MYO5B: variants seen among roughly 807,000 people sequenced by gnomAD.
The protein encoded by MYO5B is myosin VB.
Under a neutral mutation model 229.3 loss-of-function variants are expected in MYO5B, and 143 were observed. The ratio of observed to expected loss-of-function variants is 0.62; its 90% confidence interval spans 0.54 to 0.72. MYO5B has a LOEUF of 0.72. Ranked by LOEUF, MYO5B falls within the 30% of genes least tolerant of loss-of-function variation. The pLI is 0.00. For missense variants in MYO5B, 2,321 were observed against 2,331.0 expected (o/e 1.00, Z 0.09); for synonymous variants, 918 against 885.2 (o/e 1.04, Z -0.66).
intron 1 of MYO5B, among the ~76,000 whole-genome samples, chr18:50,147,305 T>A (rs977534545): frequency 2.4e-4 from 36 of 152,088 alleles, no homozygotes; most frequent in Non-Finnish European, 4.1e-4. Context: ...ACCCAGTGAG[T>A]CTGAAGGTCT....
chr18:50,172,469 G>C (rs1599075867), intron 1 of MYO5B, among the ~76,000 whole-genome samples: 1 of 152,088 alleles, frequency 6.6e-6, no homozygotes, highest in East Asian at 1.9e-4. Flanking sequence ...TGTGAGTTTT[G>C]TTATACATGG....
intron 35 of MYO5B, chr18:49,840,449 T>G (rs1180832594): frequency 6.6e-6 from 1 of 152,238 alleles, no homozygotes; most frequent in African/African-American, 2.4e-5. Context: ...GAAGGGCATA[T>G]CCTTTTACTA....
chr18:49,975,497 C>CT (rs2025740316), intron 9 of MYO5B, among the ~76,000 whole-genome samples: 1 of 152,168 alleles, frequency 6.6e-6, no homozygotes. Flanking sequence ...TCGCTTTCTT[C>CT]TTAGCCTCAT....
At chr18:49,876,236 C>T (rs562457749) in intron 25 of MYO5B, 10 of 319,550 alleles carry the variant, frequency 3.1e-5, no homozygotes, top group African/African-American at 2.2e-4. Flanking sequence ...ACATGGTTAC[C>T]AATCACTGCA....
intron 4 of MYO5B, among the ~76,000 whole-genome samples, chr18:50,027,728 T>C (rs1568076589): frequency 1.3e-5 from 2 of 152,142 alleles, no homozygotes; most frequent in South Asian, 4.2e-4. Context: ...CAGGAATCTA[T>C]CCAGATTACC....
intron 24 of MYO5B, among the ~76,000 whole-genome samples, chr18:49,878,673 A>G (rs2024553310): frequency 6.6e-6 from 1 of 152,208 alleles, no homozygotes; most frequent in Admixed American, 6.5e-5. Flanking sequence ...TGTTCCCGTA[A>G]CAGGAAACAG....
At chr18:50,137,925 A>G (rs1017865977) in intron 1 of MYO5B, among the ~76,000 whole-genome samples, 1 of 152,228 alleles carries the variant, frequency 6.6e-6, no homozygotes, top group Non-Finnish European at 1.5e-5. Context: ...TGGGAACTAA[A>G]TGATAAGAAT....
intron 9 of MYO5B, 30 bp downstream of exon 9, chr18:49,980,414 T>C: frequency 6.8e-7 from 1 of 1,468,050 alleles, no homozygotes; most frequent in Non-Finnish European, 9.6e-7. Flanking sequence ...ATTGTGTTCA[T>C]TTTATCTCCG....
At chr18:50,080,575 A>T (rs16951469) in intron 1 of MYO5B, among the ~76,000 whole-genome samples, 1 of 152,204 alleles carries the variant, frequency 6.6e-6, no homozygotes, top group South Asian at 2.1e-4. Flanking sequence ...CTTGTAGGCC[A>T]TCCACAGTCA....
intron 32 of MYO5B, among the ~76,000 whole-genome samples, chr18:49,849,332 G>C (rs2024170295): frequency 6.6e-6 from 1 of 152,186 alleles, no homozygotes. Flanking sequence ...GCAGAGCCTT[G>C]CTCAGAGTAA....
At chr18:50,072,440 G>C (rs1327471038) in intron 1 of MYO5B, among the ~76,000 whole-genome samples, 2 of 152,094 alleles carry the variant, frequency 1.3e-5, no homozygotes, top group Admixed American at 1.3e-4. Context: ...TAGCCTGGGG[G>C]GAAATTAGAA....
chr18:49,844,543 C>T (rs941287111), intron 33 of MYO5B, among the ~76,000 whole-genome samples: 1 of 152,194 alleles, frequency 6.6e-6, no homozygotes, highest in Admixed American at 6.5e-5. Flanking sequence ...GCCAGCAGCT[C>T]CAGTTGGTAC....
chr18:50,075,810 C>T (rs886088210), intron 1 of MYO5B, among the ~76,000 whole-genome samples: 1 of 152,232 alleles, frequency 6.6e-6, no homozygotes, highest in Non-Finnish European at 1.5e-5. Context: ...GAGCCAGAAC[C>T]CCAGGACAAC....
chr18:49,978,416 C>T (rs1461245986), intron 9 of MYO5B, among the ~76,000 whole-genome samples: 1 of 152,068 alleles, frequency 6.6e-6, no homozygotes, highest in Non-Finnish European at 1.5e-5. Flanking sequence ...TTGCTGGTCT[C>T]GCCCCCCAAT....
chr18:50,068,602 A>T (rs567247463), intron 1 of MYO5B, among the ~76,000 whole-genome samples: 13 of 152,236 alleles, frequency 8.5e-5, no homozygotes, highest in Non-Finnish European at 1.9e-4. Context: ...CTGGTTCTGG[A>T]CACAGACCAC....
chr18:49,962,817 C>A, intron 11 of MYO5B, 132 bp downstream of exon 11: 1 of 824,148 alleles, frequency 1.2e-6, no homozygotes. Context: ...CTGGAGGTAC[C>A]ACCAGGAAAA....
chr18:49,868,724 G>A (rs1340204499), intron 27 of MYO5B, among the ~76,000 whole-genome samples: 1 of 152,138 alleles, frequency 6.6e-6, no homozygotes, highest in Non-Finnish European at 1.5e-5. Flanking sequence ...CACACTGGCC[G>A]GGGCTAACAG....
rs531816398 is a variant in MYO5B, at chr18:49,965,947, C to T, written c.1323-2917G>A. Among the ~76,000 whole-genome samples, 45 of 152,336 alleles carry T rather than the reference C, an allele frequency of 3.0e-4. No individual in the cohort carries two copies. In the South Asian group the frequency reaches 9.3e-3, roughly 32 times the overall value. On this transcript the variant is annotated intron_variant, in intron 10 of 39. Transcript: ENST00000285039. ...ACTCCATGTCTCTACCCTTTCCATTCTTCAGTACAACTAAATTTTCTCAGT... is the reference window on the plus strand; with the variant it reads ...ACTCCATGTCTCTACCCTTTCCATTTTTCAGTACAACTAAATTTTCTCAGT...
At chr18:50,019,869 G>C (rs2026255850) in intron 4 of MYO5B, among the ~76,000 whole-genome samples, 1 of 152,170 alleles carries the variant, frequency 6.6e-6, no homozygotes, top group Admixed American at 6.5e-5. Flanking sequence ...CAAGGTCTCT[G>C]GCTGTGTCCC....
Sources: allele counts gnomAD v4.1 joint callset (sites outside exome capture counted in the v4.1 genomes callset), GRCh38; gene constraint gnomAD v4.1.1; transcripts MANE v1.5; gene names NCBI Gene and HGNC (gene_info 2026-07-23, HGNC 2026-07-21).